CLCN5: variants seen among roughly 807,000 people sequenced by gnomAD.
The protein encoded by CLCN5 is H(+)/Cl(-) exchange transporter 5.
CLCN5 carries 17 observed loss-of-function variants against 54.0 expected under a neutral mutation model. That is an observed-to-expected ratio of 0.31 (90% confidence interval 0.22 to 0.47). CLCN5 has a LOEUF of 0.47. Among genes scored for constraint, CLCN5 ranks in the 20% least tolerant of loss-of-function variants. The pLI is 1.00. For synonymous variants in CLCN5, 222 were observed against 233.0 expected, an observed-to-expected ratio of 0.95 and a Z score of 0.43; for missense variants, 448 against 646.7, an observed-to-expected ratio of 0.69 and a Z score of 3.33.
At position 50,069,883 on chromosome X, in the gene CLCN5, C is replaced by A. The variant is rs1278995482; in HGVS notation, c.168C>A (p.Asp56Glu). The change falls in exon 5 of 15, where the codon GAC becomes GAA. Residue 56 changes from aspartate to glutamate, a missense_variant. Transcript: ENST00000376091. ...TCTATTTCTTGTTCAATACAGAGGACAAGTCGTACAATGGTGGAGGAATAG... is the reference window on the plus strand; with the variant it reads ...TCTATTTCTTGTTCAATACAGAGGAAAAGTCGTACAATGGTGGAGGAATAG... Reference protein sequence around the residue: ...VPPLDREVGEDKSYNGGGIGS... With the variant: ...VPPLDREVGEEKSYNGGGIGS... 1.7e-6 allele frequency: 2 copies of A among 1,204,739 alleles called. No individual in the cohort carries two copies. Among genetic ancestry groups the A allele is most frequent in the Non-Finnish European group, 2.2e-6 (2 of 891,774 alleles).
intron 3 of CLCN5, among the ~76,000 whole-genome samples, chrX:50,003,908 A>G (rs1930015950): frequency 8.9e-6 from 1 of 111,891 alleles, no homozygotes; most frequent in Non-Finnish European, 1.9e-5. Flanking sequence ...ATGAAAAGGG[A>G]GTCTTCTAGC....
At chrX:50,033,013 C>A (rs369301697) in intron 3 of CLCN5, among the ~76,000 whole-genome samples, 4 of 110,936 alleles carry the variant, frequency 3.6e-5, no homozygotes, top group Non-Finnish European at 5.7e-5. Flanking sequence ...TCAGGTTTGT[C>A]AAAGATCAGA....
chrX:50,055,373 C>G (rs1218007975), intron 4 of CLCN5, among the ~76,000 whole-genome samples: 2 of 111,904 alleles, frequency 1.8e-5, no homozygotes, highest in Non-Finnish European at 3.8e-5. Flanking sequence ...CAAGGTGACA[C>G]AACTAGTGAG....
chrX:49,932,657 G>T (rs1219900045), intron 3 of CLCN5, among the ~76,000 whole-genome samples: 4 of 111,858 alleles, frequency 3.6e-5, no homozygotes, highest in Non-Finnish European at 7.5e-5. Flanking sequence ...AAGTACTCTT[G>T]TAATTTTTGG....
intron 3 of CLCN5, among the ~76,000 whole-genome samples, chrX:49,951,105 G>A (rs1436523708): frequency 9.0e-6 from 1 of 111,260 alleles, no homozygotes; most frequent in Non-Finnish European, 1.9e-5. Flanking sequence ...TGGATATATT[G>A]GGTCAAATAA....
intron 3 of CLCN5, among the ~76,000 whole-genome samples, chrX:49,991,479 T>A (rs1929259292): frequency 8.9e-6 from 1 of 111,995 alleles, no homozygotes; most frequent in South Asian, 3.7e-4. Context: ...TTAGTGAAAA[T>A]TTTCTCCCAT....
intron 3 of CLCN5, among the ~76,000 whole-genome samples, chrX:49,960,541 A>G (rs1378635468): frequency 3.7e-5 from 4 of 108,573 alleles, no homozygotes; most frequent in Non-Finnish European, 5.8e-5. Flanking sequence ...TTACCTGCTG[A>G]GGGGAGCTGG....
chrX:50,064,062 G>T (rs1460864770), intron 4 of CLCN5, among the ~76,000 whole-genome samples: 1 of 104,596 alleles, frequency 9.6e-6, no homozygotes, highest in Non-Finnish European at 2.0e-5. Flanking sequence ...CATACTGAAT[G>T]GGCAAAAACT....
Position 49,984,852 on chromosome X carries a change from G to A in CLCN5, c.17-57464G>A, listed in dbSNP as rs782179346. On this transcript the variant is annotated intron_variant, in intron 3 of 14. Coordinates refer to ENST00000376091, the MANE Select transcript of CLCN5 (RefSeq NM_001127898.4). ...AGGCTGGTTTCAAACTCTTGGGCTC[G>A]AATATCCTCACACCTTGACTTCCCA... is the stretch of plus-strand genomic sequence containing the variant. Among the ~76,000 whole-genome samples the A allele has an allele frequency of 3.6e-5, 4 of 110,490 alleles. No individual in the cohort carries two copies. In the South Asian group the frequency reaches 1.2e-3, roughly 33 times the overall value.
chrX:49,926,957 C>T (rs1238676649), intron 3 of CLCN5, among the ~76,000 whole-genome samples: 3 of 110,675 alleles, frequency 2.7e-5, no homozygotes, highest in African/African-American at 9.9e-5. Flanking sequence ...AGAAATGGGC[C>T]TGGATTAACT....
Position 50,095,449 on chromosome X carries a change from AGCTGTG to A in CLCN5, c.*3232_*3237del, listed in dbSNP as rs1310692767. 1.6e-4 allele frequency: 18 copies of A among 112,618 alleles called. No individual in the cohort carries two copies. Among genetic ancestry groups the A allele is most frequent in the Admixed American group, 1.3e-3 (14 of 10,694 alleles). 9.3% of individuals were successfully genotyped at this position (112,618 alleles called of 1,213,427 possible). A position where few individuals can be genotyped will look rare whatever the true frequency, so the allele number is the denominator to read the frequency against. On this transcript the variant is annotated 3_prime_UTR_variant, in exon 15 of 15. Coordinates refer to ENST00000376091, the MANE Select transcript of CLCN5 (RefSeq NM_001127898.4). ...TGGCCACAGCATCCTGGCTCAGCCC[AGCTGTG>A]GAGTAGAGGTGGTAAGATCCACAGA...
At position 50,054,265 on chromosome X, in the gene CLCN5, T is replaced by G. The variant is rs1178061457; in HGVS notation, c.163+11803T>G. On this transcript the variant is annotated intron_variant, in intron 4 of 14. Coordinates refer to ENST00000376091, the MANE Select transcript of CLCN5 (RefSeq NM_001127898.4). ...GTTTACTTGAAGCCCTGCACCTTGT[T>G]GAGTATGTTCCCCTGCTTTAGGTGA... Among the ~76,000 whole-genome samples the G allele has an allele frequency of 2.7e-5, 3 of 111,332 alleles. No homozygotes were observed. The East Asian group carries it at 8.4e-4, about 31-fold the overall frequency.
At chrX:50,067,382 G>A (rs1557191034) in intron 4 of CLCN5, among the ~76,000 whole-genome samples, 1 of 111,631 alleles carries the variant, frequency 9.0e-6, no homozygotes, top group Non-Finnish European at 1.9e-5. Context: ...TGGACTTTCT[G>A]CTAAATGAAG....
rs782124571 is a variant in CLCN5, at chrX:50,015,634, C to T, written c.17-26682C>T. Among the ~76,000 whole-genome samples, 3 of 109,571 alleles carry T rather than the reference C, an allele frequency of 2.7e-5. No individual in the cohort carries two copies. In the East Asian group the frequency reaches 8.6e-4, roughly 31 times the overall value. ...CCTAGGGAGTACAGGTGCCCATGAT[C>T]TGATTCACTCCCCTCCTCCCATCCT... On this transcript the variant is annotated intron_variant, in intron 3 of 14. Coordinates refer to ENST00000376091, the MANE Select transcript of CLCN5 (RefSeq NM_001127898.4).
chrX:49,985,317 A>G (rs1236912454), intron 3 of CLCN5, among the ~76,000 whole-genome samples: 1 of 111,583 alleles, frequency 9.0e-6, no homozygotes, highest in Non-Finnish European at 1.9e-5. Flanking sequence ...CCCATTTCCT[A>G]TCTTACTGTC....
At chrX:49,924,409 G>A (rs782389910) in intron 2 of CLCN5, among the ~76,000 whole-genome samples, 2 of 111,899 alleles carry the variant, frequency 1.8e-5, no homozygotes, top group Admixed American at 1.9e-4. Context: ...CAGGTGATCC[G>A]CCTGCTTCGG....
chrX:50,062,685 C>T (rs1339907390), intron 4 of CLCN5, among the ~76,000 whole-genome samples: 2 of 99,394 alleles, frequency 2.0e-5, no homozygotes, highest in Non-Finnish European at 3.9e-5. Context: ...AACACTCCAC[C>T]CCAAATCAAC....
Position 50,096,025 on chromosome X carries a change from G to A in CLCN5, c.*3806G>A, listed in dbSNP as rs1454894344. Reference sequence around the variant, plus strand: ...AAGACAATGGTGAGAACTTGAAACAGCCAGCATATTTTATATTGCCAAAGT... The same window carrying A: ...AAGACAATGGTGAGAACTTGAAACAACCAGCATATTTTATATTGCCAAAGT... On this transcript the variant is annotated 3_prime_UTR_variant, in exon 15 of 15. Coordinates refer to ENST00000376091, the MANE Select transcript of CLCN5 (RefSeq NM_001127898.4). 2 of 111,700 alleles carry A rather than the reference G, an allele frequency of 1.8e-5. No homozygotes were observed. Among genetic ancestry groups the A allele is most frequent in the Non-Finnish European group, 3.8e-5 (2 of 53,215 alleles). The allele number at this position is 111,700 out of a possible 1,213,427, so 9.2% of individuals were successfully genotyped here.
At chrX:49,969,180 C>G (rs1928070519) in intron 3 of CLCN5, among the ~76,000 whole-genome samples, 1 of 110,737 alleles carries the variant, frequency 9.0e-6, no homozygotes, top group African/African-American at 3.3e-5. Context: ...CAGGTTCAAG[C>G]AATTCTCGTG....
Sources: gnomAD v4.1 joint callset for allele counts (sites outside exome capture counted in the v4.1 genomes callset) on GRCh38, gnomAD v4.1.1 for gene constraint, MANE v1.5 for transcripts, NCBI Gene and HGNC (gene_info 2026-07-23, HGNC 2026-07-21) for gene names.